Variants in PKNOX2 observed in about 807,000 individuals in gnomAD.
The protein encoded by PKNOX2 is PBX/knotted 1 homeobox 2.
A neutral mutation model predicts 53.1 loss-of-function variants in PKNOX2; 14 were observed. The ratio of observed to expected loss-of-function variants is 0.26; its 90% CI spans 0.17 to 0.41. The LOEUF is 0.41. Ranked by LOEUF, PKNOX2 falls within the 10% of genes least tolerant of loss-of-function variation. The pLI, the probability that PKNOX2 is intolerant of heterozygous loss-of-function variation, is 1.00. For missense variants in PKNOX2, 496 were observed against 602.8 expected (o/e 0.82, Z 1.85); for synonymous variants, 257 against 242.8 (o/e 1.06, Z -0.54).
At chr11:125,182,904 T>G (rs1055812654) in intron 1 of PKNOX2, among the ~76,000 whole-genome samples, 1 of 152,196 alleles carries the variant, frequency 6.6e-6, no homozygotes. Flanking sequence ...TAAGTGTGTC[T>G]TTTTCCCCTT....
intron 2 of PKNOX2, among the ~76,000 whole-genome samples, chr11:125,260,718 A>G (rs1185545121): frequency 6.6e-6 from 1 of 151,972 alleles, no homozygotes; most frequent in Non-Finnish European, 1.5e-5. Flanking sequence ...TTAAGACTAC[A>G]TCTTCTGCCA....
intron 1 of PKNOX2, among the ~76,000 whole-genome samples, chr11:125,214,214 G>T (rs962301195): frequency 3.3e-5 from 5 of 152,036 alleles, no homozygotes; most frequent in African/African-American, 1.2e-4. Context: ...TTGGAAGAGA[G>T]CTAGGCTGTC....
At chr11:125,230,783 A>G (rs1240535618) in intron 1 of PKNOX2, among the ~76,000 whole-genome samples, 3 of 152,162 alleles carry the variant, frequency 2.0e-5, no homozygotes, top group Non-Finnish European at 4.4e-5. Context: ...TGTCCTAGGC[A>G]TTGCACAAAT....
chr11:125,317,881 A>G (rs921589220), intron 2 of PKNOX2, among the ~76,000 whole-genome samples: 2 of 152,196 alleles, frequency 1.3e-5, no homozygotes, highest in Non-Finnish European at 2.9e-5. Context: ...TCTAGCTATG[A>G]AAGTCCTGGA....
intron 2 of PKNOX2, among the ~76,000 whole-genome samples, chr11:125,295,645 G>T (rs1947608881): frequency 6.6e-6 from 1 of 152,198 alleles, no homozygotes; most frequent in South Asian, 2.1e-4. Flanking sequence ...AGACCCTAGT[G>T]TCAGGTGTGT....
intron 1 of PKNOX2, among the ~76,000 whole-genome samples, chr11:125,205,563 C>CTAGG (rs1387940920): frequency 6.7e-6 from 1 of 150,022 alleles, no homozygotes; most frequent in African/African-American, 2.4e-5. Flanking sequence ...GACTCTCTTG[C>CTAGG]TAGGGGTGGA....
chr11:125,201,949 T>C (rs1591479275), intron 1 of PKNOX2, among the ~76,000 whole-genome samples: 1 of 152,158 alleles, frequency 6.6e-6, no homozygotes, highest in Non-Finnish European at 1.5e-5. Context: ...TGGGGTCTGG[T>C]GGAGCCCCAG....
chr11:125,227,938 C>T (rs568829250), intron 1 of PKNOX2, among the ~76,000 whole-genome samples: 1 of 152,172 alleles, frequency 6.6e-6, no homozygotes, highest in Non-Finnish European at 1.5e-5. Flanking sequence ...TTTCTACCAG[C>T]CTTGAAAGGC....
chr11:125,407,009 TC>T (rs1412071323), intron 7 of PKNOX2, among the ~76,000 whole-genome samples: 3 of 148,810 alleles, frequency 2.0e-5, no homozygotes, highest in Non-Finnish European at 3.0e-5. Context: ...GAATATCATT[TC>T]CCCAGACCTC....
In PKNOX2 at chr11:125,412,223, C is replaced by A. The variant is rs925452098; in HGVS notation, c.936+358C>A. On this transcript the variant is annotated intron_variant, in intron 10 of 12. Transcript: ENST00000298282. ...TGGGTGGTTTCTGGTCCAGAGCCCT[C>A]CCCCTGCCGCAGCCACGCTCACCGT... is the stretch of plus-strand genomic sequence containing the variant. Among the ~76,000 whole-genome samples, 7 of 152,220 alleles carry A rather than the reference C, an allele frequency of 4.6e-5. 1 individual carries two copies. In the East Asian group the frequency reaches 1.2e-3, roughly 25 times the overall value.
intron 2 of PKNOX2, among the ~76,000 whole-genome samples, chr11:125,268,378 G>T (rs555173442): frequency 3.9e-5 from 6 of 152,340 alleles, no homozygotes; most frequent in Non-Finnish European, 7.3e-5. Context: ...GTGTTCTCCT[G>T]TATAAAATGA....
In PKNOX2 at chr11:125,165,547, C is replaced by G. The variant is rs1954800429; in HGVS notation, c.-201+771C>G. On this transcript the variant is annotated intron_variant, in intron 1 of 12. Coordinates refer to ENST00000298282, the MANE Select transcript of PKNOX2 (RefSeq NM_001382323.2). The surrounding 1 kb of genome is among the most constrained non-coding windows in gnomAD (Gnocchi z 4.5). ...AGGAGTCGAGGAGCCGCGGCCGCGG[C>G]CTGGGGAGGCAGGGCGAATGAGGGT... Among the ~76,000 whole-genome samples the G allele has an allele frequency of 6.6e-6, 1 of 152,040 alleles. No homozygotes were observed. Among genetic ancestry groups the G allele is most frequent in the Non-Finnish European group, 1.5e-5 (1 of 67,972 alleles).
In PKNOX2 at chr11:125,430,533, C is replaced by T. The variant is rs1956648946; in HGVS notation, c.1192+392C>T. 1.3e-5 allele frequency among the ~76,000 whole-genome samples: 2 copies of T among 152,168 alleles called. 1 individual carries two copies. Among genetic ancestry groups the T allele is most frequent in the South Asian group, 4.1e-4 (2 of 4,824 alleles). ...GCCAGGAAGAGCTCTGTTTTCCCAG[C>T]CTCTCCATCACACCCTCCATATACA... On this transcript the variant is annotated intron_variant, in intron 12 of 12. Coordinates refer to ENST00000298282, the MANE Select transcript of PKNOX2 (RefSeq NM_001382323.2).
intron 2 of PKNOX2, among the ~76,000 whole-genome samples, chr11:125,280,548 T>C (rs1431177538): frequency 6.6e-6 from 1 of 152,176 alleles, no homozygotes; most frequent in African/African-American, 2.4e-5. Flanking sequence ...AGAAAGAGAA[T>C]GGGGAGGTCT....
At chr11:125,262,479 A>G (rs1407973576) in intron 2 of PKNOX2, among the ~76,000 whole-genome samples, 1 of 151,310 alleles carries the variant, frequency 6.6e-6, no homozygotes, top group Non-Finnish European at 1.5e-5. Flanking sequence ...TCACGGTGGG[A>G]GGCGGGCTGG....
rs1819276803 is a variant in PKNOX2 at position 125,352,187 on chromosome 11, C to A, written c.87+795C>A. Among the ~76,000 whole-genome samples the A allele has an allele frequency of 6.6e-6, 1 of 152,176 alleles. No homozygotes were observed. The highest frequency in any genetic ancestry group is 1.5e-5 in the Non-Finnish European group (1 of 68,042). ...TCCCCCAGGTGCTCCTCTTGTCCACCCTTGGTTCTTTGGAAACTTCGAGTT... is the reference window on the plus strand; with the variant it reads ...TCCCCCAGGTGCTCCTCTTGTCCACACTTGGTTCTTTGGAAACTTCGAGTT... On this transcript the variant is annotated intron_variant, in intron 4 of 12. Transcript: ENST00000298282. This position sits in a 1 kb window ranked among gnomAD's most constrained non-coding sequence, Gnocchi z 4.1.
chr11:125,175,239 G>GGAAGGAAGGAAA (rs113234006), intron 1 of PKNOX2, among the ~76,000 whole-genome samples: 1 of 147,158 alleles, frequency 6.8e-6, no homozygotes, highest in Admixed American at 6.8e-5. Context: ...AAGGAAGGAA[G>GGAAGGAAGGAAA]GAAGGAAGGA....
At chr11:125,211,136 C>T (rs1939795045) in intron 1 of PKNOX2, among the ~76,000 whole-genome samples, 1 of 152,094 alleles carries the variant, frequency 6.6e-6, no homozygotes, top group Admixed American at 6.5e-5. Context: ...AATTCCCATT[C>T]TGCAGATGGA....
chr11:125,338,405 A>G (rs2136140596), intron 3 of PKNOX2, among the ~76,000 whole-genome samples: 1 of 152,272 alleles, frequency 6.6e-6, no homozygotes, highest in Non-Finnish European at 1.5e-5. Flanking sequence ...TAAACAGAGA[A>G]GAAAGCTCCG....
Sources: gnomAD v4.1 joint callset for allele counts (sites outside exome capture counted in the v4.1 genomes callset) on GRCh38, gnomAD v4.1.1 for gene constraint, Gnocchi (gnomAD v3.1) non-coding constraint, MANE v1.5 for transcripts, NCBI Gene and HGNC (gene_info 2026-07-23, HGNC 2026-07-21) for gene names.